KCNIP2: variants seen among roughly 807,000 people sequenced by gnomAD.
The protein encoded by KCNIP2 is potassium voltage-gated channel interacting protein 2.
In KCNIP2, 19 loss-of-function variants were observed where a neutral mutation model predicts 39.0. That is an observed-to-expected ratio of 0.49 (90% confidence interval 0.34 to 0.71). The LOEUF (loss-of-function observed/expected upper bound fraction) is 0.71. Among genes scored for constraint, KCNIP2 ranks in the 30% least tolerant of loss-of-function variants. KCNIP2 has a pLI of 0.01. For missense variants in KCNIP2, 261 were observed against 346.0 expected (o/e 0.75, Z 1.95); for synonymous variants, 111 against 131.2 (o/e 0.85, Z 1.05).
Position 101,827,812 on chromosome 10 carries a change from G to A in KCNIP2, c.703-61C>T, listed in dbSNP as rs1215670002. ...GATGGCAAGAGAGAGGCAGACAGAA[G>A]TCAGGTGAGTTCCCTGCTGGTTCTT... is the stretch of plus-strand genomic sequence containing the variant. On this transcript the variant is annotated intron_variant, in intron 8 of 9. Coordinates refer to ENST00000356640, the MANE Select transcript of KCNIP2 (RefSeq NM_173191.3). The A allele has an allele frequency of 3.9e-6, 6 of 1,533,484 alleles. No individual in the cohort carries two copies. The East Asian group carries it at 1.3e-4, about 34-fold the overall frequency. 95.0% of individuals were successfully genotyped at this position (1,533,484 alleles called of 1,614,324 possible). A position where few individuals can be genotyped will look rare whatever the true frequency, so the allele number is the denominator to read the frequency against.
intron 1 of KCNIP2, among the ~76,000 whole-genome samples, chr10:101,832,737 C>T (rs559558474): frequency 3.9e-5 from 6 of 152,206 alleles, no homozygotes; most frequent in South Asian, 4.1e-4. Flanking sequence ...TGTAGTTGCC[C>T]GACTCGGGGG....
At chr10:101,835,326 C>A (rs928328386) in intron 1 of KCNIP2, among the ~76,000 whole-genome samples, 2 of 152,062 alleles carry the variant, frequency 1.3e-5, no homozygotes, top group Non-Finnish European at 2.9e-5. Context: ...GAAACTGAGG[C>A]CCAAGGGAGG....
chr10:101,831,313 T>C (rs1267156011), intron 1 of KCNIP2, 146 bp from the exon 2 acceptor site: 10 of 666,034 alleles, frequency 1.5e-5, no homozygotes, highest in Non-Finnish European at 1.8e-5. Flanking sequence ...GCAAGGGTGG[T>C]TGGAATCGGG....
chr10:101,834,388 C>T (rs2066083159), intron 1 of KCNIP2: 1 of 399,314 alleles, frequency 2.5e-6, no homozygotes, highest in Admixed American at 4.4e-5. Context: ...TGGGGCATGG[C>T]CCCTACAGGG....
chr10:101,839,804 C>T (rs1435668532), intron 1 of KCNIP2: 1 of 1,610,734 alleles, frequency 6.2e-7, no homozygotes, highest in African/African-American at 1.3e-5. Context: ...GCTGCCTGCC[C>T]CAGCGGGCTC....
At chr10:101,834,428 T>G (rs1015185045) in intron 1 of KCNIP2, 21 of 398,760 alleles carry the variant, frequency 5.3e-5, no homozygotes, top group African/African-American at 4.3e-4. Flanking sequence ...GTTCACCGCC[T>G]CACACCACCT....
intron 3 of KCNIP2, 162 bp from the exon 4 acceptor site, chr10:101,829,361 G>T: frequency 1.1e-6 from 1 of 906,314 alleles, no homozygotes; most frequent in Non-Finnish European, 1.6e-6. Flanking sequence ...GAGGTAAGGA[G>T]AAAAGATGAT....
At chr10:101,829,789 C>A in intron 3 of KCNIP2, 55 bp downstream of exon 3, 2 of 995,016 alleles carry the variant, frequency 2.0e-6, no homozygotes, top group South Asian at 3.8e-5. Context: ...GCCCCCCACC[C>A]CAAGATGGCA....
chr10:101,829,191 C>T lies in KCNIP2; in HGVS notation c.232G>A (p.Asp78Asn). ...RPRLLDPDSVDDEFELSTVCH... is the reference protein window; with the variant it reads ...RPRLLDPDSVNDEFELSTVCH... ...ACGGTGGACAATTCAAATTCATCGT[C>T]CACGCTGTCTGCGGGAGCGGTGAGG... Residue 78 changes from aspartate (D) to asparagine (N), a missense_variant, in exon 4 of 10, where the codon GAC becomes AAC. Coordinates refer to ENST00000356640, the MANE Select transcript of KCNIP2 (RefSeq NM_173191.3). 1.2e-6 allele frequency: 2 copies of T among 1,613,070 alleles called. No homozygotes were observed. Among genetic ancestry groups the T allele is most frequent in the Non-Finnish European group, 1.7e-6 (2 of 1,179,480 alleles).
chr10:101,832,738 G>A (rs962912049), intron 1 of KCNIP2, among the ~76,000 whole-genome samples: 5 of 152,054 alleles, frequency 3.3e-5, no homozygotes, highest in Non-Finnish European at 5.9e-5. Context: ...GTAGTTGCCC[G>A]ACTCGGGGGT....
At chr10:101,839,973 G>C (rs2066277850) in intron 1 of KCNIP2, 1 of 739,078 alleles carries the variant, frequency 1.4e-6, no homozygotes, top group African/African-American at 1.9e-5. Context: ...CGAAACCCTG[G>C]AGCCTTCCCA....
At chr10:101,836,259 C>G (rs532517040) in intron 1 of KCNIP2, among the ~76,000 whole-genome samples, 1 of 150,906 alleles carries the variant, frequency 6.6e-6, no homozygotes, top group South Asian at 2.1e-4. Context: ...ACGCTTCACA[C>G]AGGCTTTTTT....
intron 1 of KCNIP2, among the ~76,000 whole-genome samples, chr10:101,831,548 G>T (rs1029523732): frequency 6.6e-6 from 1 of 152,098 alleles, no homozygotes; most frequent in Admixed American, 6.5e-5. Context: ...TACAGTGACA[G>T]GCGTGTATAG....
In KCNIP2 at chr10:101,825,988, G is replaced by GT. The variant is rs2065740766; in HGVS notation, c.*1364dup. 1 of 152,636 alleles carries GT rather than the reference G, an allele frequency of 6.6e-6. No individual in the cohort carries two copies. Among genetic ancestry groups the GT allele is most frequent in the Non-Finnish European group, 1.5e-5 (1 of 68,044 alleles). The allele number at this position is 152,636 out of a possible 1,614,324, so 9.5% of individuals were successfully genotyped here. ...ACGGCAGCCTGTGCATAGCCATTGT[G>GT]TTTTATTAGATCTGGTATATTTCTT... On this transcript the variant is annotated 3_prime_UTR_variant, in exon 10 of 10. Transcript: ENST00000356640.
Position 101,843,300 on chromosome 10 carries a change from GC to G in KCNIP2, c.73+195del, listed in dbSNP as rs1381869313. 2.6e-5 allele frequency among the ~76,000 whole-genome samples: 4 copies of G among 152,140 alleles called. No homozygotes were observed. Among genetic ancestry groups the G allele is most frequent in the African/African-American group, 9.7e-5 (4 of 41,434 alleles). ...CCACACCTGCTGCCTCTCCACACCTGCCTCTTCTGTTCCTCCCCAACCCCTG... is the reference window on the plus strand; with the variant it reads ...CCACACCTGCTGCCTCTCCACACCTGCTCTTCTGTTCCTCCCCAACCCCTG... On this transcript the variant is annotated intron_variant, in intron 1 of 9. Coordinates refer to ENST00000356640, the MANE Select transcript of KCNIP2 (RefSeq NM_173191.3). The surrounding 1 kb of genome is among the most constrained non-coding windows in gnomAD (Gnocchi z 6.7).
rs2065821976 is a variant in KCNIP2 at position 101,828,369 on chromosome 10, G to A, written c.489+20C>T. On this transcript the variant is annotated intron_variant, in intron 6 of 9. Transcript: ENST00000356640. The surrounding 1 kb of genome is among the most constrained non-coding windows in gnomAD (Gnocchi z 6.6). ...GAACTCCAGGAAACAGGCTTCCCTG[G>A]CCCACCTCGCCCAGCTCACCTCAAA... 6.2e-7 allele frequency: 1 copy of A among 1,613,888 alleles called. No homozygotes were observed. Among genetic ancestry groups the A allele is most frequent in the Non-Finnish European group, 8.5e-7 (1 of 1,179,874 alleles).
At position 101,828,303 on chromosome 10, in the gene KCNIP2, C is replaced by T. The variant is rs372697063; in HGVS notation, c.490-45G>A. ...GAGCTGTGTCCTCGGGTACTCTTCA[C>T]CCAACTCCTTCTCTGGGTTTGGCCT... On this transcript the variant is annotated intron_variant, in intron 6 of 9. Transcript: ENST00000356640. This position sits in a 1 kb window ranked among gnomAD's most constrained non-coding sequence, Gnocchi z 6.6. 105 of 1,610,844 alleles carry T rather than the reference C, an allele frequency of 6.5e-5. No individual in the cohort carries two copies. Among genetic ancestry groups the T allele is most frequent in the Non-Finnish European group, 8.7e-5 (103 of 1,177,166 alleles).
At chr10:101,830,895 C>T (rs372887183) in intron 2 of KCNIP2, among the ~76,000 whole-genome samples, 177 bp downstream of exon 2, 3 of 151,088 alleles carry the variant, frequency 2.0e-5, no homozygotes, top group South Asian at 2.1e-4. Context: ...CATACACACG[C>T]ACAGGCCTGG....
In KCNIP2 at chr10:101,827,485, C is replaced by T. The variant is rs1018749830; in HGVS notation, c.766-85G>A. 1.5e-4 allele frequency: 223 copies of T among 1,440,944 alleles called. 1 individual carries two copies. The highest frequency in any genetic ancestry group is 1.9e-4 in the Non-Finnish European group (198 of 1,034,642). 89.3% of individuals were successfully genotyped at this position (1,440,944 alleles called of 1,614,324 possible). A position where few individuals can be genotyped will look rare whatever the true frequency, so the allele number is the denominator to read the frequency against. On this transcript the variant is annotated intron_variant, in intron 9 of 9. Transcript: ENST00000356640. The stretch of plus-strand genomic sequence containing the variant: ...AGACAGTGAGAGGGACACTGAGTCA[C>T]AGACGGGGACATTCAAAAGCACAGA...
Sources: gnomAD v4.1 joint callset for allele counts (sites outside exome capture counted in the v4.1 genomes callset) on GRCh38, gnomAD v4.1.1 for gene constraint, Gnocchi (gnomAD v3.1) non-coding constraint, MANE v1.5 for transcripts, NCBI Gene and HGNC (gene_info 2026-07-23, HGNC 2026-07-21) for gene names.